The following KCNK1 variants were observed in gnomAD, a reference collection of about 807,000 sequenced individuals.
The protein encoded by KCNK1 is potassium two pore domain channel subfamily K member 1.
In KCNK1, 10 loss-of-function variants were observed where a neutral mutation model predicts 22.2. The observed-to-expected ratio is 0.45, with a 90% confidence interval of 0.28 to 0.76. KCNK1 has a LOEUF of 0.76. Among genes scored for constraint, KCNK1 ranks in the 30% least tolerant of loss-of-function variants. The pLI is 0.14. For missense variants in KCNK1, 378 were observed against 421.0 expected (o/e 0.90, Z 0.89); for synonymous variants, 200 against 186.4 (o/e 1.07, Z -0.60).
chr1:233,617,959 TATG>T (rs1558106380), intron 1 of KCNK1, among the ~76,000 whole-genome samples: 1 of 152,188 alleles, frequency 6.6e-6, no homozygotes, highest in East Asian at 1.9e-4. Flanking sequence ...ACAAAGAGGA[TATG>T]ATCTAAAAAG....
intron 2 of KCNK1, 75 bp from the exon 3 acceptor site, chr1:233,671,196 G>T (rs1267253386): frequency 5.3e-6 from 7 of 1,317,530 alleles, no homozygotes; most frequent in Non-Finnish European, 7.6e-6. Context: ...GGCATGAGGT[G>T]GGGAGGTAAA....
Position 233,614,339 on chromosome 1 carries a change from G to A in KCNK1, c.168G>A (p.Leu56=). The A allele has an allele frequency of 6.2e-7, 1 of 1,611,770 alleles. No homozygotes were observed. Among genetic ancestry groups the A allele is most frequent in the South Asian group, 1.1e-5 (1 of 90,452 alleles). ...LPYEDLLRQE[L]RKLKRRFLEE... ...ATGAGGACCTGCTGCGCCAGGAGCT[G>A]CGCAAGCTGAAGCGACGCTTCTTGG... The change falls in exon 1 of 3, where the codon CTG becomes CTA. Residue 56 remains leucine, a synonymous_variant. Coordinates refer to ENST00000366621, the MANE Select transcript of KCNK1 (RefSeq NM_002245.4).
intron 1 of KCNK1, among the ~76,000 whole-genome samples, chr1:233,664,066 G>A (rs376851078): frequency 2.0e-5 from 3 of 152,164 alleles, no homozygotes; most frequent in African/African-American, 7.2e-5. Flanking sequence ...TCCTGACCTC[G>A]TGATCCGCCC....
rs757375147 is a variant in KCNK1 at position 233,671,767 on chromosome 1, T to A, written c.*237T>A. ...GAGATGTCCACCTAAAATTCATATG[T>A]GACAAAATTATCTCGACCTTACATA... is the stretch of plus-strand genomic sequence containing the variant. On this transcript the variant is annotated 3_prime_UTR_variant, in exon 3 of 3. Transcript: ENST00000366621. 1 of 544,942 alleles carries A rather than the reference T, an allele frequency of 1.8e-6. No homozygotes were observed. The highest frequency in any genetic ancestry group is 2.3e-5 in the South Asian group (1 of 44,236). The allele number at this position is 544,942 out of a possible 1,614,324, so 33.8% of individuals were successfully genotyped here. A position where few individuals can be genotyped will look rare whatever the true frequency, so the allele number is the denominator to read the frequency against.
intron 1 of KCNK1, among the ~76,000 whole-genome samples, chr1:233,637,675 A>T (rs914698053): frequency 3.3e-5 from 5 of 152,208 alleles, no homozygotes; most frequent in African/African-American, 1.2e-4. Flanking sequence ...TGAGGTTTGC[A>T]TCTGTGTAAA....
chr1:233,616,758 T>A (rs1657493762), intron 1 of KCNK1, among the ~76,000 whole-genome samples: 1 of 152,270 alleles, frequency 6.6e-6, no homozygotes, highest in African/African-American at 2.4e-5. Flanking sequence ...TTACCCATTA[T>A]TTGATTCATT....
chr1:233,658,742 A>G (rs1658342783), intron 1 of KCNK1, among the ~76,000 whole-genome samples: 1 of 152,276 alleles, frequency 6.6e-6, no homozygotes, highest in Admixed American at 6.5e-5. Flanking sequence ...AGTGTAACAC[A>G]TGGTATTTGG....
At chr1:233,653,570 A>G (rs1198123458) in intron 1 of KCNK1, among the ~76,000 whole-genome samples, 1 of 152,206 alleles carries the variant, frequency 6.6e-6, no homozygotes, top group Non-Finnish European at 1.5e-5. Flanking sequence ...GGCGTTATCT[A>G]ATTCATGAAG....
At chr1:233,633,141 A>G (rs1249761087) in intron 1 of KCNK1, among the ~76,000 whole-genome samples, 1 of 151,250 alleles carries the variant, frequency 6.6e-6, no homozygotes, top group Non-Finnish European at 1.5e-5. Flanking sequence ...CTGGAGAAAC[A>G]TGGGGTGGAG....
chr1:233,627,939 T>C (rs961687118), intron 1 of KCNK1, among the ~76,000 whole-genome samples: 32 of 152,194 alleles, frequency 2.1e-4, no homozygotes, highest in African/African-American at 7.0e-4. Context: ...TAAAAGGATA[T>C]GTTTGGCACC....
At chr1:233,667,580 A>G (rs191539552) in intron 2 of KCNK1, among the ~76,000 whole-genome samples, 1 of 151,688 alleles carries the variant, frequency 6.6e-6, no homozygotes, top group African/African-American at 2.4e-5. Flanking sequence ...AATACAAAAA[A>G]TTAGCCGGGC....
At chr1:233,626,324 T>C (rs906183199) in intron 1 of KCNK1, among the ~76,000 whole-genome samples, 1 of 152,064 alleles carries the variant, frequency 6.6e-6, no homozygotes, top group East Asian at 1.9e-4. Context: ...AGGAAGGCCA[T>C]GGAAGGAGAA....
Sources: allele counts gnomAD v4.1 joint callset (sites outside exome capture counted in the v4.1 genomes callset), GRCh38; gene constraint gnomAD v4.1.1; transcripts MANE v1.5; gene names NCBI Gene and HGNC (gene_info 2026-07-23, HGNC 2026-07-21).